The following STK32C variants were observed in gnomAD, a reference collection of about 807,000 sequenced individuals.
STK32C encodes serine/threonine kinase 32C.
STK32C carries 31 observed loss-of-function variants against 56.5 expected under a neutral mutation model. The ratio of observed to expected loss-of-function variants is 0.55; its 90% CI spans 0.41 to 0.74. STK32C has a LOEUF of 0.74. Among genes scored for constraint, STK32C ranks in the 30% least tolerant of loss-of-function variants. STK32C has a pLI of 0.00. For missense variants in STK32C, 544 were observed against 676.9 expected (o/e 0.80, Z 2.18); for synonymous variants, 309 against 289.4 (o/e 1.07, Z -0.69).
intron 10 of STK32C, among the ~76,000 whole-genome samples, chr10:132,218,568 G>A (rs2062539286): frequency 6.6e-6 from 1 of 152,106 alleles, no homozygotes. Flanking sequence ...GTAAATATAT[G>A]GAGAAATTAG....
chr10:132,250,712 G>A, intron 1 of STK32C, among the ~76,000 whole-genome samples: 1 of 152,256 alleles, frequency 6.6e-6, no homozygotes. Flanking sequence ...GGTCATTGCA[G>A]AGAGGAGACC....
chr10:132,237,188 TGGACTGTGCTCCC>T (rs2063324865), intron 2 of STK32C, among the ~76,000 whole-genome samples: 1 of 51,634 alleles, frequency 1.9e-5, no homozygotes, highest in African/African-American at 3.9e-5. Context: ...CTGTGCTCCC[TGGACTGTGCTCCC>T]TGGACTGTGC....
At chr10:132,211,651 C>T (rs973421044) in intron 10 of STK32C, among the ~76,000 whole-genome samples, 1 of 152,244 alleles carries the variant, frequency 6.6e-6, no homozygotes, top group Non-Finnish European at 1.5e-5. Context: ...CTTCCTCTGA[C>T]AGCCCCTGCC....
chr10:132,309,236 T>G (rs1345031115), upstream of STK32C, among the ~76,000 whole-genome samples: 1 of 152,190 alleles, frequency 6.6e-6, no homozygotes, highest in Non-Finnish European at 1.5e-5. Flanking sequence ...GCATGAAATG[T>G]GAGCACGGGA....
At chr10:132,220,165 C>T (rs1358350537) in intron 10 of STK32C, among the ~76,000 whole-genome samples, 2 of 152,250 alleles carry the variant, frequency 1.3e-5, no homozygotes, top group Non-Finnish European at 2.9e-5. Flanking sequence ...CATACTGGAT[C>T]AGGGTGGGCC....
intron 10 of STK32C, among the ~76,000 whole-genome samples, chr10:132,219,760 A>G (rs956572075): frequency 2.0e-5 from 3 of 152,132 alleles, no homozygotes; most frequent in African/African-American, 4.8e-5. Flanking sequence ...GTTCCCCCCA[A>G]AATCAGGGCA....
At chr10:132,209,302 C>T (rs776449173) in intron 10 of STK32C, 11 of 709,034 alleles carry the variant, frequency 1.6e-5, no homozygotes, top group South Asian at 1.0e-4. Context: ...CACCCAAGCC[C>T]GAGGATGCCA....
intron 1 of STK32C, among the ~76,000 whole-genome samples, chr10:132,257,216 C>T (rs1552682): frequency 0.32 from 48,228 of 151,934 alleles, 7,944 homozygotes; most frequent in Admixed American, 0.43. Flanking sequence ...TGTTCAGAGG[C>T]CAGCACGAGA....
intron 10 of STK32C, among the ~76,000 whole-genome samples, chr10:132,214,454 AC>A (rs1216776210): frequency 2.0e-5 from 3 of 152,180 alleles, no homozygotes; most frequent in African/African-American, 7.2e-5. Flanking sequence ...ACTTTTTTGG[AC>A]AAACAAAAAG....
At chr10:132,213,729 A>G (rs2137587801) in intron 10 of STK32C, among the ~76,000 whole-genome samples, 1 of 152,364 alleles carries the variant, frequency 6.6e-6, no homozygotes, top group Admixed American at 6.5e-5. Flanking sequence ...ATTTGAAATA[A>G]CTGTGATTAA....
chr10:132,253,494 GA>G (rs2063985588), intron 1 of STK32C, among the ~76,000 whole-genome samples: 1 of 106,168 alleles, frequency 9.4e-6, no homozygotes, highest in Non-Finnish European at 2.0e-5. Context: ...GAGCTGGAGG[GA>G]GTCGAGGGAG....
At chr10:132,211,224 C>A (rs2062288127) in intron 10 of STK32C, among the ~76,000 whole-genome samples, 1 of 152,170 alleles carries the variant, frequency 6.6e-6, no homozygotes, top group Non-Finnish European at 1.5e-5. Context: ...CAAACTCGGG[C>A]CGGCCTGAGA....
rs1480137539 is a variant in STK32C at position 132,267,392 on chromosome 10, T to G, written c.263-21437A>C. Among the ~76,000 whole-genome samples, 3 of 152,222 alleles carry G rather than the reference T, an allele frequency of 2.0e-5. No individual in the cohort carries two copies. In the East Asian group the frequency reaches 5.8e-4, roughly 29 times the overall value. ...ATGTGAATGTGCATGTGTGTCTGTA[T>G]GCATGTGCATGTATGTTTCTGGGGC... On this transcript the variant is annotated intron_variant, in intron 1 of 11. Transcript: ENST00000298630.
At chr10:132,254,123 C>T (rs1440139795) in intron 1 of STK32C, among the ~76,000 whole-genome samples, 1 of 152,194 alleles carries the variant, frequency 6.6e-6, no homozygotes, top group African/African-American at 2.4e-5. Context: ...TCCTTGCCAA[C>T]ATGGTGAAAC....
At chr10:132,296,022 G>A (rs987475552) in intron 1 of STK32C, among the ~76,000 whole-genome samples, 7 of 151,074 alleles carry the variant, frequency 4.6e-5, no homozygotes, top group African/African-American at 1.2e-4. Context: ...GAAAGGGGAC[G>A]TCATGGTGGA....
At chr10:132,229,481 G>A (rs376477355) in intron 2 of STK32C, among the ~76,000 whole-genome samples, 15 of 152,362 alleles carry the variant, frequency 9.8e-5, no homozygotes, top group South Asian at 6.2e-4. Context: ...GGGTGACAGG[G>A]CGAGACCCTG....
intron 1 of STK32C, among the ~76,000 whole-genome samples, chr10:132,286,568 C>G (rs1013383890): frequency 1.3e-5 from 2 of 151,986 alleles, no homozygotes; most frequent in Admixed American, 6.6e-5. Context: ...CACATAAAAA[C>G]AAATCTAGAA....
rs190047248 is a variant in STK32C, at chr10:132,328,288, C to T, written c.301+3148G>A. Among the ~76,000 whole-genome samples, 409 of 151,974 alleles carry T rather than the reference C, an allele frequency of 2.7e-3. 1 individual carries two copies. Among genetic ancestry groups the T allele is most frequent in the Non-Finnish European group, 5.0e-3 (340 of 67,978 alleles). On this transcript the variant is annotated intron_variant, in intron 1 of 1. Transcript: ENST00000368619. ...CTCATAGGGGGTCGAAGTGAGGTTTCCTTGCTGTTTTCTGCTCCTGGGTGG... is the reference window on the plus strand; with the variant it reads ...CTCATAGGGGGTCGAAGTGAGGTTTTCTTGCTGTTTTCTGCTCCTGGGTGG...
At chr10:132,260,344 T>G (rs1040678629) in intron 1 of STK32C, among the ~76,000 whole-genome samples, 29 of 151,934 alleles carry the variant, frequency 1.9e-4, no homozygotes, top group African/African-American at 6.3e-4. Context: ...ACGGCACCAC[T>G]GAGAGCCAAC....
Sources: allele counts gnomAD v4.1 joint callset (sites outside exome capture counted in the v4.1 genomes callset), GRCh38; gene constraint gnomAD v4.1.1; transcripts MANE v1.5; gene names NCBI Gene and HGNC (gene_info 2026-07-23, HGNC 2026-07-21).